IMMT: variants seen among roughly 807,000 people sequenced by gnomAD.
The protein encoded by IMMT is MICOS complex subunit MIC60.
IMMT carries 40 observed loss-of-function variants against 92.7 expected under a neutral mutation model. The ratio of observed to expected loss-of-function variants is 0.43; its 90% CI spans 0.34 to 0.56. The LOEUF is 0.56. IMMT is among the 20% of genes least tolerant of loss of function. The pLI is 0.03. For missense variants in IMMT, 831 were observed against 912.1 expected, an observed-to-expected ratio of 0.91 and a Z score of 1.14; for synonymous variants, 322 against 336.1, an observed-to-expected ratio of 0.96 and a Z score of 0.46.
chr2:86,187,567 T>C (rs1220607941), intron 1 of IMMT, among the ~76,000 whole-genome samples: 1 of 152,206 alleles, frequency 6.6e-6, no homozygotes, highest in South Asian at 2.1e-4. Context: ...ACCTGTTTTT[T>C]ATTCTTTTGG....
intron 8 of IMMT, among the ~76,000 whole-genome samples, chr2:86,161,319 G>A (rs1282446575): frequency 2.0e-5 from 3 of 151,336 alleles, no homozygotes; most frequent in East Asian, 2.0e-4. Flanking sequence ...ATGCCACCAC[G>A]CCTGGCTAAC....
chr2:86,173,751 C>T lies in IMMT; in HGVS notation c.320G>A (p.Gly107Asp), dbSNP rs1415777650. The change falls in exon 4 of 15, where the codon GGT becomes GAT. Residue 107 changes from glycine (G) to aspartate (D), a missense_variant. Transcript: ENST00000410111. The stretch of plus-strand genomic sequence containing the variant: ...TGATACACTAGAGATTTTTAGTGGA[C>T]CCGACTGAATCTTGGAAATAAAAAA... ...VPLPKKSIQSGPLKISSVSEV... is the reference protein window; with the variant it reads ...VPLPKKSIQSDPLKISSVSEV... 2 of 1,565,182 alleles carry T rather than the reference C, an allele frequency of 1.3e-6. No individual in the cohort carries two copies. Among genetic ancestry groups the T allele is most frequent in the Non-Finnish European group, 1.8e-6 (2 of 1,138,792 alleles).
intron 7 of IMMT, among the ~76,000 whole-genome samples, chr2:86,163,739 G>A (rs1676448776): frequency 6.6e-6 from 1 of 151,930 alleles, no homozygotes. Flanking sequence ...TTTGGAGGCT[G>A]AGGTGAGCAG....
intron 10 of IMMT, among the ~76,000 whole-genome samples, chr2:86,157,788 CAAAAAAAAAAAAAAAGA>C (rs1462895056): frequency 2.4e-5 from 2 of 84,248 alleles, no homozygotes; most frequent in Non-Finnish European, 4.1e-5. Flanking sequence ...AACTTTGTCT[CAAAAAAAAAAAAAAAGA>C]AAAAAAAAAA....
chr2:86,172,969 G>T (rs6749439), intron 4 of IMMT, among the ~76,000 whole-genome samples: 73,919 of 151,580 alleles, frequency 0.49, 18,526 homozygotes, highest in Non-Finnish European at 0.55. Context: ...TTTCCTCTCC[G>T]CACCCAATCA....
rs147905282 is a variant in IMMT, at chr2:86,154,627, G to A, written c.1163-1053C>T. On this transcript the variant is annotated intron_variant, in intron 10 of 14. Transcript: ENST00000410111. ...TACTTAATACATTCAGTTCTTCTTT[G>A]AAATTTTTAAAACAATGAATTCAAA... Among the ~76,000 whole-genome samples, 11 of 152,170 alleles carry A rather than the reference G, an allele frequency of 7.2e-5. No homozygotes were observed. The East Asian group carries it at 2.1e-3, about 29-fold the overall frequency.
chr2:86,166,634 C>A lies in IMMT; in HGVS notation c.666G>T (p.Lys222Asn). The A allele has an allele frequency of 6.2e-7, 1 of 1,602,724 alleles. No homozygotes were observed. The highest frequency in any genetic ancestry group is 8.5e-7 in the Non-Finnish European group (1 of 1,176,330). Residue 222 changes from lysine (K) to asparagine (N), a missense_variant, in exon 7 of 15, where the codon AAG (lysine) becomes AAT (asparagine). By Grantham distance (94) the Lys-to-Asn change is moderately conservative (BLOSUM62 0). Coordinates refer to ENST00000410111, the MANE Select transcript of IMMT (RefSeq NM_006839.3). ...TTTGCCTCAGAGCATCTTCTAAGCT[C>A]TTGGCTAGAGCTTAAAAAAAAAAAA... ...QEQVKIESLAKSLEDALRQTA... is the reference protein window; with the variant it reads ...QEQVKIESLANSLEDALRQTA...
chr2:86,178,294 C>A (rs1677574676), intron 3 of IMMT, among the ~76,000 whole-genome samples: 1 of 120,218 alleles, frequency 8.3e-6, no homozygotes, highest in African/African-American at 3.3e-5. Flanking sequence ...TTCCAGCCTG[C>A]GTGACACAGC....
chr2:86,195,225 G>A lies in IMMT; in HGVS notation c.45+113C>T, dbSNP rs1048746952. The A allele has an allele frequency of 2.4e-5, 28 of 1,166,656 alleles. No homozygotes were observed. In the African/African-American group the frequency reaches 3.9e-4, roughly 16 times the overall value. 72.3% of individuals were successfully genotyped at this position (1,166,656 alleles called of 1,614,324 possible). On this transcript the variant is annotated intron_variant, in intron 1 of 14. Coordinates refer to ENST00000410111, the MANE Select transcript of IMMT (RefSeq NM_006839.3). ...GCCCGGGCCTCTCCCGACGAGGGTGGCCCTGAGGCTCGCCTTTGTCCTGGA... is the reference window on the plus strand; with the variant it reads ...GCCCGGGCCTCTCCCGACGAGGGTGACCCTGAGGCTCGCCTTTGTCCTGGA...
chr2:86,148,002 C>T (rs145250080), intron 12 of IMMT, among the ~76,000 whole-genome samples, 169 bp from the exon 13 acceptor site: 1 of 152,300 alleles, frequency 6.6e-6, no homozygotes, highest in Non-Finnish European at 1.5e-5. Flanking sequence ...GAAAACTAAA[C>T]CCTGGAAGGT....
Position 86,175,607 on chromosome 2 carries a change from T to C in IMMT, c.310-1846A>G. ...TCAAAAAGATTTTATGCATGGACAG[T>C]AAATATAGAGACAATGTTATAACAA... is the stretch of plus-strand genomic sequence containing the variant. On this transcript the variant is annotated intron_variant, in intron 3 of 14. Transcript: ENST00000410111. 1.3e-5 allele frequency among the ~76,000 whole-genome samples: 2 copies of C among 151,826 alleles called. 1 individual carries two copies. Among genetic ancestry groups the C allele is most frequent in the East Asian group, 3.9e-4 (2 of 5,186 alleles).
At position 86,166,488 on chromosome 2, in the gene IMMT, T is replaced by TA. The variant is rs1404308002; in HGVS notation, c.792+19dup. On this transcript the variant is annotated intron_variant, in intron 7 of 14. Coordinates refer to ENST00000410111, the MANE Select transcript of IMMT (RefSeq NM_006839.3). ...CAAGTCATGACAGCCAGAACACTTCTAATCATTCATTGGGCTCACCTCAGA... is the reference window on the plus strand; with the variant it reads ...CAAGTCATGACAGCCAGAACACTTCTAAATCATTCATTGGGCTCACCTCAGA... 6.3e-7 allele frequency: 1 copy of TA among 1,598,098 alleles called. No homozygotes were observed. Among genetic ancestry groups the TA allele is most frequent in the Non-Finnish European group, 8.5e-7 (1 of 1,172,798 alleles).
At chr2:86,159,966 T>C in intron 8 of IMMT, 1 of 189,606 alleles carries the variant, frequency 5.3e-6, no homozygotes, top group Non-Finnish European at 1.1e-5. Flanking sequence ...TAAAGACTAG[T>C]CAAGTGCAAT....
chr2:86,148,452 CA>C (rs201320183), intron 12 of IMMT, among the ~76,000 whole-genome samples: 10 of 147,360 alleles, frequency 6.8e-5, no homozygotes, highest in South Asian at 4.3e-4. Context: ...ACTAAAAATA[CA>C]AAAAAAAAAT....
At chr2:86,177,359 T>C (rs921822099) in intron 3 of IMMT, among the ~76,000 whole-genome samples, 4 of 152,082 alleles carry the variant, frequency 2.6e-5, no homozygotes, top group Non-Finnish European at 5.9e-5. Flanking sequence ...TCCCAGCACT[T>C]TGGGAGGCTG....
At chr2:86,160,961 T>C (rs925888230) in intron 8 of IMMT, among the ~76,000 whole-genome samples, 10 of 152,070 alleles carry the variant, frequency 6.6e-5, no homozygotes, top group African/African-American at 2.4e-4. Context: ...TATGTCTGAG[T>C]GTGGTGGCTC....
intron 3 of IMMT, among the ~76,000 whole-genome samples, chr2:86,176,025 A>G (rs949851486): frequency 6.6e-6 from 1 of 152,268 alleles, no homozygotes; most frequent in Non-Finnish European, 1.5e-5. Context: ...ATGAAGGGCA[A>G]CTGGTGTACA....
chr2:86,153,617 C>T, intron 10 of IMMT, 43 bp from the exon 11 acceptor site: 1 of 1,309,292 alleles, frequency 7.6e-7, no homozygotes, highest in Non-Finnish European at 1.0e-6. Context: ...AAAGAATGCA[C>T]ATACTTTAGT....
rs755303805 is a variant in IMMT, at chr2:86,162,086, A to C, written c.793-7T>G. Reference sequence around the variant, plus strand: ...ATTTCTTCTCGCCTGCAATCTAAACAAAAAATTTTAATTATATAATAAATA... The same window carrying C: ...ATTTCTTCTCGCCTGCAATCTAAACCAAAAATTTTAATTATATAATAAATA... On this transcript the variant is annotated splice_polypyrimidine_tract_variant and splice_region_variant and intron_variant, in intron 7 of 14. Transcript: ENST00000410111. 1.3e-6 allele frequency: 2 copies of C among 1,524,106 alleles called. No individual in the cohort carries two copies. The highest frequency in any genetic ancestry group is 2.8e-5 in the African/African-American group (2 of 71,324). The allele number at this position is 1,524,106 out of a possible 1,614,324, so 94.4% of individuals were successfully genotyped here.
Sources: allele counts gnomAD v4.1 joint callset (sites outside exome capture counted in the v4.1 genomes callset), GRCh38; gene constraint gnomAD v4.1.1; transcripts MANE v1.5; gene names NCBI Gene and HGNC (gene_info 2026-07-23, HGNC 2026-07-21).